Variants in DPH6 observed in about 807,000 individuals in gnomAD.
The protein encoded by DPH6 is diphthine--ammonia ligase.
Under a neutral mutation model 38.2 loss-of-function variants are expected in DPH6, and 33 were observed. That is an observed-to-expected ratio of 0.86 (90% CI 0.65 to 1.15). The LOEUF (loss-of-function observed/expected upper bound fraction) is 1.15, where lower values mean the gene tolerates loss of function less well. Ranked by LOEUF, DPH6 falls within the 50% of genes most tolerant of loss-of-function variation. The pLI, the probability that DPH6 is intolerant of heterozygous loss-of-function variation, is 0.00. For missense variants in DPH6, 325 were observed against 320.0 expected (o/e 1.02, Z -0.12); for synonymous variants, 108 against 103.0 (o/e 1.05, Z -0.30).
chr15:35,496,567 A>AAAAAAAAAAAAAAAAAAAAAAAAATAT, intron 3 of DPH6, among the ~76,000 whole-genome samples: 1 of 31,016 alleles, frequency 3.2e-5, no homozygotes, highest in African/African-American at 1.4e-4. Flanking sequence ...AAAAAAAAAA[A>AAAAAAAAAAAAAAAAAAAAAAAAATAT]ATATATATAT....
At chr15:35,519,399 T>A (rs886377125) in intron 3 of DPH6, 1 of 152,002 alleles carries the variant, frequency 6.6e-6, no homozygotes, top group African/African-American at 2.4e-5. Flanking sequence ...AATACTCCTA[T>A]CAGAGTTCAA....
chr15:35,362,175 T>G (rs961560298), intron 3 of DPH6, among the ~76,000 whole-genome samples: 2 of 152,194 alleles, frequency 1.3e-5, no homozygotes, highest in Non-Finnish European at 2.9e-5. Context: ...GTGCATGTAA[T>G]TTCACAAGGA....
the DPH6 span, among the ~76,000 whole-genome samples, chr15:35,170,956 T>C: frequency 6.6e-6 from 1 of 152,218 alleles, no homozygotes; most frequent in Non-Finnish European, 1.5e-5. Flanking sequence ...CATTATAATG[T>C]TGTATTTTTA....
chr15:35,263,617 G>T (rs1311686469), intron 3 of DPH6, among the ~76,000 whole-genome samples: 1 of 151,830 alleles, frequency 6.6e-6, no homozygotes, highest in Non-Finnish European at 1.5e-5. Context: ...TATTGCCAAA[G>T]ATGATCTCAA....
intron 3 of DPH6, among the ~76,000 whole-genome samples, chr15:35,468,853 GTGT>G (rs1285755218): frequency 2.0e-5 from 3 of 152,028 alleles, no homozygotes; most frequent in African/African-American, 7.2e-5. Context: ...GGATCAACAG[GTGT>G]TCGGAGTTCA....
intron 5 of DPH6, among the ~76,000 whole-genome samples, chr15:35,414,507 C>T (rs2053411732): frequency 6.6e-6 from 1 of 151,660 alleles, no homozygotes; most frequent in Admixed American, 6.6e-5. Context: ...GCACCTAATG[C>T]GTACTTTTAA....
At chr15:35,302,172 G>T (rs2140805752) in intron 3 of DPH6, among the ~76,000 whole-genome samples, 1 of 152,044 alleles carries the variant, frequency 6.6e-6, no homozygotes, top group East Asian at 1.9e-4. Context: ...AAAGGGAAAA[G>T]GTTTCCACTA....
At chr15:35,398,940 A>G (rs763400268) in intron 6 of DPH6, among the ~76,000 whole-genome samples, 1 of 152,160 alleles carries the variant, frequency 6.6e-6, no homozygotes, top group Non-Finnish European at 1.5e-5. Flanking sequence ...GTGGTGTGCA[A>G]GCATAGAGAA....
At chr15:35,460,655 A>G (rs2054053913) in intron 3 of DPH6, among the ~76,000 whole-genome samples, 1 of 152,064 alleles carries the variant, frequency 6.6e-6, no homozygotes, top group South Asian at 2.1e-4. Flanking sequence ...GTGGATTATC[A>G]TTATCTTCCT....
At chr15:35,287,338 A>G (rs574148709) in intron 3 of DPH6, among the ~76,000 whole-genome samples, 16 of 152,206 alleles carry the variant, frequency 1.1e-4, no homozygotes, top group Non-Finnish European at 2.4e-4. Context: ...TGAGGTTTAT[A>G]CAGAGGGCTA....
intron 3 of DPH6, among the ~76,000 whole-genome samples, chr15:35,228,159 A>G (rs548529198): frequency 3.3e-5 from 5 of 152,338 alleles, no homozygotes; most frequent in Admixed American, 1.3e-4. Flanking sequence ...GTGTAGACCA[A>G]CATTGTTTGC....
In DPH6 at chr15:35,543,259, AATATAT is replaced by A. The variant is rs6145522; in HGVS notation, c.24-758_24-753del. On this transcript the variant is annotated intron_variant, in intron 1 of 8. Coordinates refer to ENST00000256538, the MANE Select transcript of DPH6 (RefSeq NM_080650.4). The stretch of plus-strand genomic sequence containing the variant: ...ATACATATAGTACACACATACACAT[AATATAT>A]ATATATATATATATATATATATATA... Among the ~76,000 whole-genome samples the A allele has an allele frequency of 3.9e-3, 447 of 114,012 alleles. 3 individuals carry two copies. The highest frequency in any genetic ancestry group is 0.017 in the African/African-American group (412 of 24,198). The allele number at this position is 114,012 out of a possible 152,430, so 74.8% of individuals were successfully genotyped here.
At chr15:35,305,425 T>C (rs924391181) in intron 3 of DPH6, among the ~76,000 whole-genome samples, 7 of 151,828 alleles carry the variant, frequency 4.6e-5, no homozygotes, top group Admixed American at 3.9e-4. Flanking sequence ...ATCTCGTATG[T>C]TTTTAGTTCC....
chr15:35,256,597 T>C (rs2140413794), intron 3 of DPH6, among the ~76,000 whole-genome samples: 1 of 152,338 alleles, frequency 6.6e-6, no homozygotes, highest in Middle Eastern at 3.4e-3. Context: ...AGAGGCTGTG[T>C]GTATATAATG....
chr15:35,272,541 C>G (rs1178325411), intron 3 of DPH6, among the ~76,000 whole-genome samples: 1 of 151,984 alleles, frequency 6.6e-6, no homozygotes, highest in East Asian at 1.9e-4. Flanking sequence ...GGGGGTGGAT[C>G]CCTCATGAAT....
At chr15:35,154,664 G>A in the DPH6 span, among the ~76,000 whole-genome samples, 1 of 152,160 alleles carries the variant, frequency 6.6e-6, no homozygotes, top group Non-Finnish European at 1.5e-5. Flanking sequence ...AAATAGTGCT[G>A]TAGTTTTACA....
intron 3 of DPH6, among the ~76,000 whole-genome samples, chr15:35,506,516 T>C (rs1273103327): frequency 6.6e-6 from 1 of 152,172 alleles, no homozygotes; most frequent in South Asian, 2.1e-4. Flanking sequence ...TGGGACAGTG[T>C]AAATAAGAGG....
At chr15:35,406,037 A>G (rs1005958365) in intron 6 of DPH6, among the ~76,000 whole-genome samples, 8 of 152,052 alleles carry the variant, frequency 5.3e-5, no homozygotes. Flanking sequence ...TTTTAATTTT[A>G]TATTTAATAC....
chr15:35,145,650 T>G, the DPH6 span, among the ~76,000 whole-genome samples: 7 of 152,340 alleles, frequency 4.6e-5, no homozygotes, highest in Non-Finnish European at 8.8e-5. Flanking sequence ...TTTCTCCCTT[T>G]GCTGGAATCC....
Sources: gnomAD v4.1 joint callset for allele counts (sites outside exome capture counted in the v4.1 genomes callset) on GRCh38, gnomAD v4.1.1 for gene constraint, MANE v1.5 for transcripts, NCBI Gene and HGNC (gene_info 2026-07-23, HGNC 2026-07-21) for gene names.